Variants in ADAMTS2 observed in about 807,000 individuals in gnomAD.
ADAMTS2 encodes ADAM metallopeptidase with thrombospondin type 1 motif 2, also known as A disintegrin and metalloproteinase with thrombospondin motifs 2.
ADAMTS2 carries 50 observed loss-of-function variants against 123.0 expected under a neutral mutation model. That is an observed-to-expected ratio of 0.41 (90% CI 0.32 to 0.51). The LOEUF (loss-of-function observed/expected upper bound fraction) is 0.51. Among genes scored for constraint, ADAMTS2 ranks in the 20% least tolerant of loss-of-function variants. The pLI is 0.35. For missense variants in ADAMTS2, 1,494 were observed against 1,705.2 expected, an observed-to-expected ratio of 0.88 and a Z score of 2.18; for synonymous variants, 678 against 695.4, an observed-to-expected ratio of 0.98 and a Z score of 0.39.
intron 2 of ADAMTS2, among the ~76,000 whole-genome samples, chr5:179,330,398 G>C (rs905937229): frequency 6.6e-6 from 1 of 152,170 alleles, no homozygotes; most frequent in Non-Finnish European, 1.5e-5. Context: ...TGGCCCCAAA[G>C]GCCACAGCGT....
At position 179,207,706 on chromosome 5, in the gene ADAMTS2, A is replaced by C; in HGVS notation, c.698T>G (p.Leu233Arg). The change falls in exon 4 of 22, where the codon CTG (leucine) becomes CGG (arginine). Residue 233 changes from leucine (L) to arginine (R), a missense_variant. Leu to Arg is a moderately radical substitution (Grantham distance 102). Around this residue, in one of 6 missense-constraint regions of ADAMTS2, gnomAD observed 184 missense variants for 152.1 expected, o/e 1.21. Transcript: ENST00000251582. The part of the protein sequence containing the change: ...GPQALDTGAS[L>R]DSLDSLSRAL... Reference sequence around the variant, plus strand: ...GCGGCTGAGGCTGTCCAGGCTGTCCAGGGAGGCCCCTGCAAGGAGAGGACA... The same window carrying C: ...GCGGCTGAGGCTGTCCAGGCTGTCCCGGGAGGCCCCTGCAAGGAGAGGACA... The C allele has an allele frequency of 6.8e-6, 11 of 1,611,404 alleles. No individual in the cohort carries two copies. Among genetic ancestry groups the C allele is most frequent in the Non-Finnish European group, 8.5e-6 (10 of 1,179,966 alleles).
intron 3 of ADAMTS2, among the ~76,000 whole-genome samples, chr5:179,249,838 C>T (rs528784265): frequency 6.6e-6 from 1 of 152,274 alleles, no homozygotes; most frequent in Admixed American, 6.5e-5. Context: ...TAATATCCAT[C>T]TTTCTATGAG....
In ADAMTS2 at chr5:179,182,840, G is replaced by A. The variant is rs1764078883; in HGVS notation, c.892-1685C>T. 4.6e-5 allele frequency among the ~76,000 whole-genome samples: 7 copies of A among 152,140 alleles called. No homozygotes were observed. The South Asian group carries it at 1.5e-3, about 32-fold the overall frequency. ...TGGGGAGGGTGGGTCAGCAACCCCT[G>A]TAGGCGCTGAGGGTTATCCTCTAGA... On this transcript the variant is annotated intron_variant, in intron 4 of 21. Coordinates refer to ENST00000251582, the MANE Select transcript of ADAMTS2 (RefSeq NM_014244.5).
At chr5:179,169,329 C>T (rs1283017224) in intron 5 of ADAMTS2, among the ~76,000 whole-genome samples, 1 of 152,220 alleles carries the variant, frequency 6.6e-6, no homozygotes, top group Non-Finnish European at 1.5e-5. Context: ...TGCTCTTGGA[C>T]TTCCCAGCCC....
rs960732041 is a variant in ADAMTS2 at position 179,260,115 on chromosome 5, A to G, written c.688+12796T>C. 4.6e-5 allele frequency among the ~76,000 whole-genome samples: 7 copies of G among 152,072 alleles called. No homozygotes were observed. Among genetic ancestry groups the G allele is most frequent in the African/African-American group, 1.7e-4 (7 of 41,406 alleles). ...GTGGGACTAGCAAAGGCCCAGGGCCACCCAATGTCCCATGGGCCCATGGGA... is the reference window on the plus strand; with the variant it reads ...GTGGGACTAGCAAAGGCCCAGGGCCGCCCAATGTCCCATGGGCCCATGGGA... On this transcript the variant is annotated intron_variant, in intron 3 of 21. Transcript: ENST00000251582. This position sits in a 1 kb window ranked among gnomAD's most constrained non-coding sequence, Gnocchi z 4.2.
rs1763374910 is a variant in ADAMTS2, at chr5:179,152,223, C to T, written c.1548G>A (p.Trp516Ter). The T allele has an allele frequency of 6.2e-7, 1 of 1,613,938 alleles. No individual in the cohort carries two copies. Among genetic ancestry groups the T allele is most frequent in the Admixed American group, 1.7e-5 (1 of 59,998 alleles). The change falls in exon 10 of 22, where the codon TGG becomes TGA. Residue 516 changes from tryptophan (W) to a stop codon, truncating the protein, a stop_gained. Transcript: ENST00000251582. LOFTEE classifies it high-confidence loss of function. ...FRTFDPCKQL[W>*]CSHPDNPYFC... Reference sequence around the variant, plus strand: ...AGTAGGGGTTGTCAGGATGGCTGCACCACAGCTGCTTGCAGGGGTCAAAGG... The same window carrying T: ...AGTAGGGGTTGTCAGGATGGCTGCATCACAGCTGCTTGCAGGGGTCAAAGG...
chr5:179,223,214 T>G (rs1765166945), intron 3 of ADAMTS2, among the ~76,000 whole-genome samples: 1 of 152,220 alleles, frequency 6.6e-6, no homozygotes, highest in African/African-American at 2.4e-5. Context: ...TGATCACTCC[T>G]CAGACACATG....
intron 10 of ADAMTS2, 54 bp from the exon 11 acceptor site, chr5:179,140,089 C>G: frequency 1.9e-6 from 3 of 1,611,236 alleles, no homozygotes; most frequent in Non-Finnish European, 2.5e-6. Context: ...GCCGTGGGGA[C>G]AGTCCTGCGC....
intron 2 of ADAMTS2, among the ~76,000 whole-genome samples, chr5:179,339,171 T>G (rs1757698819): frequency 6.6e-6 from 1 of 152,134 alleles, no homozygotes; most frequent in Admixed American, 6.5e-5. Context: ...TCCCCCTCAG[T>G]CCCAAAGGTG....
rs1045073441 is a variant in ADAMTS2, at chr5:179,188,893, C to T, written c.892-7738G>A. Among the ~76,000 whole-genome samples the T allele has an allele frequency of 5.3e-5, 8 of 152,142 alleles. No homozygotes were observed. Among genetic ancestry groups the T allele is most frequent in the South Asian group, 2.1e-4 (1 of 4,824 alleles). ...CCTCAGTGTGGCACTCCAGCAGGCACGTTGAGAAGACAGGTCGCATTACAA... is the reference window on the plus strand; with the variant it reads ...CCTCAGTGTGGCACTCCAGCAGGCATGTTGAGAAGACAGGTCGCATTACAA... On this transcript the variant is annotated intron_variant, in intron 4 of 21. Coordinates refer to ENST00000251582, the MANE Select transcript of ADAMTS2 (RefSeq NM_014244.5). The surrounding 1 kb of genome is among the most constrained non-coding windows in gnomAD (Gnocchi z 5.1).
At chr5:179,136,331 TC>T (rs979850794) in intron 12 of ADAMTS2, among the ~76,000 whole-genome samples, 3 of 152,132 alleles carry the variant, frequency 2.0e-5, no homozygotes, top group African/African-American at 7.2e-5. Context: ...CTTGGAGACC[TC>T]CGAGGCTGCA....
At position 179,189,317 on chromosome 5, in the gene ADAMTS2, A is replaced by G. The variant is rs1764245612; in HGVS notation, c.892-8162T>C. Among the ~76,000 whole-genome samples, 1 of 151,786 alleles carries G rather than the reference A, an allele frequency of 6.6e-6. No homozygotes were observed. The highest frequency in any genetic ancestry group is 1.5e-5 in the Non-Finnish European group (1 of 67,976). ...GGTGGTGGGACTACCATTCGTTGGT[A>G]TAGGTTTGGGATAGACGGTGGAGTT... On this transcript the variant is annotated intron_variant, in intron 4 of 21. Transcript: ENST00000251582. The surrounding 1 kb of genome is among the most constrained non-coding windows in gnomAD (Gnocchi z 4.2).
chr5:179,139,610 A>C (rs1763125756), intron 11 of ADAMTS2, among the ~76,000 whole-genome samples: 1 of 152,042 alleles, frequency 6.6e-6, no homozygotes, highest in Non-Finnish European at 1.5e-5. Flanking sequence ...CCTCTCCTCC[A>C]TGCCCGTGGC....
At chr5:179,235,734 T>C (rs931938494) in intron 3 of ADAMTS2, among the ~76,000 whole-genome samples, 3 of 152,336 alleles carry the variant, frequency 2.0e-5, no homozygotes, top group Non-Finnish European at 2.9e-5. Context: ...AATCCAGTGC[T>C]GATGGTTGCC....
At chr5:179,284,903 C>G (rs2113534193) in intron 2 of ADAMTS2, among the ~76,000 whole-genome samples, 1 of 152,324 alleles carries the variant, frequency 6.6e-6, no homozygotes, top group South Asian at 2.1e-4. Context: ...TCAGCACAGT[C>G]TAATAATTAA....
rs1226187698 is a variant in ADAMTS2 at position 179,121,768 on chromosome 5, G to T, written c.3089-18C>A. The T allele has an allele frequency of 6.6e-7, 1 of 1,522,816 alleles. No homozygotes were observed. The highest frequency in any genetic ancestry group is 8.9e-7 in the Non-Finnish European group (1 of 1,126,980). The allele number at this position is 1,522,816 out of a possible 1,614,324, so 94.3% of individuals were successfully genotyped here. A position where few individuals can be genotyped will look rare whatever the true frequency, so the allele number is the denominator to read the frequency against. ...GATGTTTCCTAGAGGGAGGAGAGAGGGGCTGCGGCCGCAGGGCACCAGGCT... is the reference window on the plus strand; with the variant it reads ...GATGTTTCCTAGAGGGAGGAGAGAGTGGCTGCGGCCGCAGGGCACCAGGCT... On this transcript the variant is annotated intron_variant, in intron 20 of 21. Transcript: ENST00000251582.
At position 179,262,126 on chromosome 5, in the gene ADAMTS2, G is replaced by C. The variant is rs2113490546; in HGVS notation, c.688+10785C>G. ...AGAGCAGTGGAAGCGGGCAGCTGTG[G>C]AGTCAGAGTGATGGGTGCCAATTCT... On this transcript the variant is annotated intron_variant, in intron 3 of 21. Coordinates refer to ENST00000251582, the MANE Select transcript of ADAMTS2 (RefSeq NM_014244.5). The surrounding 1 kb of genome is among the most constrained non-coding windows in gnomAD (Gnocchi z 5.9). Among the ~76,000 whole-genome samples, 1 of 152,210 alleles carries C rather than the reference G, an allele frequency of 6.6e-6. No homozygotes were observed. Among genetic ancestry groups the C allele is most frequent in the Admixed American group, 6.5e-5 (1 of 15,308 alleles).
At chr5:179,219,522 C>G (rs1561812169) in intron 3 of ADAMTS2, among the ~76,000 whole-genome samples, 1 of 152,194 alleles carries the variant, frequency 6.6e-6, no homozygotes, top group African/African-American at 2.4e-5. Flanking sequence ...CAGTGTGGGG[C>G]GAGGAGAAGG....
At chr5:179,227,928 G>A (rs767544406) in intron 3 of ADAMTS2, among the ~76,000 whole-genome samples, 1 of 152,160 alleles carries the variant, frequency 6.6e-6, no homozygotes, top group Non-Finnish European at 1.5e-5. Flanking sequence ...AAGACTGAGA[G>A]GGGGAGTCAC....
Sources: gnomAD v4.1 joint callset for allele counts (sites outside exome capture counted in the v4.1 genomes callset) on GRCh38, gnomAD v4.1.1 for gene constraint, gnomAD v4.1.1 regional missense constraint, Gnocchi (gnomAD v3.1) non-coding constraint, MANE v1.5 for transcripts, NCBI Gene and HGNC (gene_info 2026-07-23, HGNC 2026-07-21) for gene names.